Variants in EFEMP1 observed in about 807,000 individuals in gnomAD.
EFEMP1 encodes EGF-like fibulin extracellular matrix protein 1.
A neutral mutation model predicts 65.7 loss-of-function variants in EFEMP1; 18 were observed. The ratio of observed to expected loss-of-function variants is 0.27; its 90% CI spans 0.19 to 0.41. The LOEUF is 0.41. EFEMP1 is among the 10% of genes least tolerant of loss of function. EFEMP1 has a pLI of 1.00. For synonymous variants in EFEMP1, 237 were observed against 219.7 expected, an observed-to-expected ratio of 1.08 and a Z score of -0.70; for missense variants, 469 against 624.8, an observed-to-expected ratio of 0.75 and a Z score of 2.66.
intron 5 of EFEMP1, among the ~76,000 whole-genome samples, chr2:55,909,751 C>T (rs1670412771): frequency 6.6e-6 from 1 of 152,180 alleles, no homozygotes; most frequent in African/African-American, 2.4e-5. Context: ...ACTAGTTTTA[C>T]ATCTACTTTT....
Position 55,919,329 on chromosome 2 carries a change from T to C in EFEMP1, c.82-1062A>G, listed in dbSNP as rs1670828685. ...AAGCTTTATTGTGTCTAAGGATCAT[T>C]CAGGGTTCTTGTTAAAATGAAGATT... On this transcript the variant is annotated intron_variant, in intron 3 of 11. Coordinates refer to ENST00000355426, the MANE Select transcript of EFEMP1 (RefSeq NM_001039348.3). This position sits in a 1 kb window ranked among gnomAD's most constrained non-coding sequence, Gnocchi z 4.5. Among the ~76,000 whole-genome samples the C allele has an allele frequency of 6.6e-6, 1 of 152,176 alleles. No individual in the cohort carries two copies. The highest frequency in any genetic ancestry group is 1.5e-5 in the Non-Finnish European group (1 of 68,014).
chr2:55,874,099 T>C (rs1298104982), intron 9 of EFEMP1, among the ~76,000 whole-genome samples: 1 of 152,068 alleles, frequency 6.6e-6, no homozygotes, highest in Non-Finnish European at 1.5e-5. Flanking sequence ...TCAGAGTAGT[T>C]TGATAATTTG....
At chr2:55,896,330 T>C (rs1357404364) in intron 5 of EFEMP1, among the ~76,000 whole-genome samples, 1 of 152,208 alleles carries the variant, frequency 6.6e-6, no homozygotes, top group African/African-American at 2.4e-5. Flanking sequence ...ACAATTTTGT[T>C]TTCAATCCAG....
At chr2:55,898,914 A>G (rs1217925343) in intron 5 of EFEMP1, among the ~76,000 whole-genome samples, 2 of 152,154 alleles carry the variant, frequency 1.3e-5, no homozygotes, top group Non-Finnish European at 2.9e-5. Flanking sequence ...GAGTTTCTCA[A>G]AAAAGAATTG....
intron 5 of EFEMP1, among the ~76,000 whole-genome samples, chr2:55,897,481 T>C (rs1220834491): frequency 6.6e-6 from 1 of 152,228 alleles, no homozygotes; most frequent in Non-Finnish European, 1.5e-5. Context: ...CTATTATTAA[T>C]GAAGTGTTTC....
rs1315625965 is a variant in EFEMP1 at position 55,923,343 on chromosome 2, C to T, written c.-49+368G>A. On this transcript the variant is annotated intron_variant, in intron 1 of 11. Coordinates refer to ENST00000355426, the MANE Select transcript of EFEMP1 (RefSeq NM_001039348.3). The surrounding 1 kb of genome is among the most constrained non-coding windows in gnomAD (Gnocchi z 5.3). The stretch of plus-strand genomic sequence containing the variant: ...CTTTCTTAACAGCAAGCTAACGCGG[C>T]GGTCCCCTGGAGCTGCTCAGCGTCC... 6.6e-6 allele frequency among the ~76,000 whole-genome samples: 1 copy of T among 152,134 alleles called. No homozygotes were observed. Among genetic ancestry groups the T allele is most frequent in the Non-Finnish European group, 1.5e-5 (1 of 68,016 alleles).
intron 6 of EFEMP1, among the ~76,000 whole-genome samples, chr2:55,878,810 G>T (rs1446346084): frequency 6.6e-6 from 1 of 152,152 alleles, no homozygotes; most frequent in Admixed American, 6.6e-5. Context: ...TCTCGAGCTT[G>T]CATTTCCTCT....
chr2:55,899,853 A>G (rs1669966082), intron 5 of EFEMP1, among the ~76,000 whole-genome samples: 1 of 152,220 alleles, frequency 6.6e-6, no homozygotes, highest in African/African-American at 2.4e-5. Context: ...GGTAGGACAG[A>G]ATAAGTCTTA....
At chr2:55,897,200 C>A (rs545039694) in intron 5 of EFEMP1, among the ~76,000 whole-genome samples, 1 of 152,264 alleles carries the variant, frequency 6.6e-6, no homozygotes, top group Admixed American at 6.5e-5. Context: ...TCTTTGTATT[C>A]TCAGCACCCA....
intron 5 of EFEMP1, among the ~76,000 whole-genome samples, chr2:55,891,062 C>T (rs1397690874): frequency 1.3e-5 from 2 of 151,838 alleles, no homozygotes; most frequent in South Asian, 4.1e-4. Context: ...AGGTGCTAAC[C>T]CTAGTACTCA....
At chr2:55,875,335 T>TACAC (rs768780443) in intron 8 of EFEMP1, among the ~76,000 whole-genome samples, 3,658 of 125,396 alleles carry the variant, frequency 0.029, 60 homozygotes, top group Non-Finnish European at 0.038. Flanking sequence ...GTTTCATATA[T>TACAC]ACACACACAC....
chr2:55,882,759 T>G (rs1669290170), intron 5 of EFEMP1, among the ~76,000 whole-genome samples: 1 of 152,090 alleles, frequency 6.6e-6, no homozygotes, highest in Non-Finnish European at 1.5e-5. Flanking sequence ...GATGACAATT[T>G]TTGTATAAAA....
Position 55,922,541 on chromosome 2 carries a change from GGGA to G in EFEMP1, c.-7-97_-7-95del. On this transcript the variant is annotated intron_variant, in intron 2 of 11. Transcript: ENST00000355426. The surrounding 1 kb of genome is among the most constrained non-coding windows in gnomAD (Gnocchi z 5.5). ...TGAGCACAAGCGAGGAAAGGAGGGT[GGGA>G]GAGGCTGAGGCTCCACCATACTCAA... 8.7e-7 allele frequency: 1 copy of G among 1,154,880 alleles called. No individual in the cohort carries two copies. Among genetic ancestry groups the G allele is most frequent in the Non-Finnish European group, 1.3e-6 (1 of 776,434 alleles). 71.5% of individuals were successfully genotyped at this position (1,154,880 alleles called of 1,614,324 possible). A position where few individuals can be genotyped will look rare whatever the true frequency, so the allele number is the denominator to read the frequency against.
Position 55,906,760 on chromosome 2 carries a change from A to G in EFEMP1, c.517+10905T>C, listed in dbSNP as rs541461139. On this transcript the variant is annotated intron_variant, in intron 5 of 11. Coordinates refer to ENST00000355426, the MANE Select transcript of EFEMP1 (RefSeq NM_001039348.3). ...AATTTACCAAAGTCTGAAGAATGAA[A>G]AAGCTTGGAGATTCAGTTCAGTCCC... is the stretch of plus-strand genomic sequence containing the variant. 5.5e-4 allele frequency among the ~76,000 whole-genome samples: 84 copies of G among 152,336 alleles called. 2 individuals are homozygous for G. The highest frequency in any genetic ancestry group is 1.8e-3 in the African/African-American group (76 of 41,582).
Position 55,876,653 on chromosome 2 carries a change from C to T in EFEMP1, c.850G>A (p.Glu284Lys). Reference protein sequence around the residue: ...SFICQCNQGYELSSDRLNCED... With the variant: ...SFICQCNQGYKLSSDRLNCED... ...CAGTTGAGCCTGTCACTGCTTAGCT[C>T]ATATCCTTGATTGCACTGACAGATG... The change falls in exon 8 of 12, where the codon GAG (glutamate) becomes AAG (lysine). Residue 284 changes from glutamate to lysine, a missense_variant. Around this residue, in one of 3 missense-constraint regions of EFEMP1, gnomAD observed 399 missense variants for 528.2 expected, o/e 0.76. Coordinates refer to ENST00000355426, the MANE Select transcript of EFEMP1 (RefSeq NM_001039348.3). 6.2e-7 allele frequency: 1 copy of T among 1,612,338 alleles called. No homozygotes were observed. Among genetic ancestry groups the T allele is most frequent in the Non-Finnish European group, 8.5e-7 (1 of 1,178,894 alleles).
chr2:55,899,622 T>A (rs1037431848), intron 5 of EFEMP1, among the ~76,000 whole-genome samples: 1 of 152,204 alleles, frequency 6.6e-6, no homozygotes, highest in Non-Finnish European at 1.5e-5. Context: ...CTAGCAAGAA[T>A]TGACCAGAAA....
At chr2:55,869,566 C>A (rs1314959551) in intron 11 of EFEMP1, among the ~76,000 whole-genome samples, 1 of 152,006 alleles carries the variant, frequency 6.6e-6, no homozygotes, top group Non-Finnish European at 1.5e-5. Flanking sequence ...TATCACATAA[C>A]TCTGGAGCTA....
intron 5 of EFEMP1, among the ~76,000 whole-genome samples, chr2:55,895,048 G>A (rs1669764431): frequency 6.6e-6 from 1 of 152,174 alleles, no homozygotes; most frequent in East Asian, 1.9e-4. Context: ...GCCTTCTATT[G>A]GTCTGTGGGC....
At chr2:55,880,377 T>C (rs1265794192) in intron 6 of EFEMP1, among the ~76,000 whole-genome samples, 1 of 152,236 alleles carries the variant, frequency 6.6e-6, no homozygotes, top group Admixed American at 6.5e-5. Context: ...CTGTACTTTT[T>C]ATGCCCTCAA....
Sources: gnomAD v4.1 joint callset for allele counts (sites outside exome capture counted in the v4.1 genomes callset) on GRCh38, gnomAD v4.1.1 for gene constraint, gnomAD v4.1.1 regional missense constraint, Gnocchi (gnomAD v3.1) non-coding constraint, MANE v1.5 for transcripts, NCBI Gene and HGNC (gene_info 2026-07-23, HGNC 2026-07-21) for gene names.